Variants in CAP2 observed in about 807,000 individuals in gnomAD.
CAP2 encodes adenylyl cyclase-associated protein 2.
CAP2 carries 24 observed loss-of-function variants against 57.7 expected under a neutral mutation model. The observed-to-expected ratio is 0.42, with a 90% CI of 0.30 to 0.58. CAP2 has a LOEUF of 0.58. Among genes scored for constraint, CAP2 ranks in the 20% least tolerant of loss-of-function variants. CAP2 has a pLI of 0.22. For missense variants in CAP2, 501 were observed against 590.3 expected, an observed-to-expected ratio of 0.85 and a Z score of 1.57; for synonymous variants, 194 against 207.2, an observed-to-expected ratio of 0.94 and a Z score of 0.55.
chr6:17,504,554 T>A (rs375044807), intron 4 of CAP2, among the ~76,000 whole-genome samples: 1 of 152,224 alleles, frequency 6.6e-6, no homozygotes, highest in African/African-American at 2.4e-5. Context: ...TAGCTTCCAG[T>A]TCCAGCTCCA....
At chr6:17,402,140 C>T (rs901710755) in intron 1 of CAP2, among the ~76,000 whole-genome samples, 1 of 152,164 alleles carries the variant, frequency 6.6e-6, no homozygotes, top group African/African-American at 2.4e-5. Context: ...TCCATATGTG[C>T]TTTTTTCCTA....
chr6:17,415,599 T>C (rs1268825382), intron 1 of CAP2, among the ~76,000 whole-genome samples: 2 of 152,196 alleles, frequency 1.3e-5, no homozygotes, highest in Non-Finnish European at 2.9e-5. Context: ...GTATTTATAG[T>C]TCTCTAGGTA....
In CAP2 at chr6:17,399,722, T is replaced by G. The variant is rs1236073457; in HGVS notation, c.-2+5976T>G. ...GGAAGTAAATAACCTTTGATGTTCCTGTTAGCCCTCAGCTTTTCAGAATGT... is the reference window on the plus strand; with the variant it reads ...GGAAGTAAATAACCTTTGATGTTCCGGTTAGCCCTCAGCTTTTCAGAATGT... On this transcript the variant is annotated intron_variant, in intron 1 of 12. Transcript: ENST00000229922. Among the ~76,000 whole-genome samples, 3 of 152,342 alleles carry G rather than the reference T, an allele frequency of 2.0e-5. No individual in the cohort carries two copies. In the East Asian group the frequency reaches 5.8e-4, roughly 29 times the overall value.
intron 3 of CAP2, among the ~76,000 whole-genome samples, chr6:17,436,090 C>CT (rs1561782691): frequency 0.034 from 2,193 of 63,786 alleles, 40 homozygotes; most frequent in South Asian, 0.12. Flanking sequence ...TCTTTCTTTC[C>CT]TTCCTTCCTT....
intron 6 of CAP2, among the ~76,000 whole-genome samples, chr6:17,512,543 A>C (rs967813113): frequency 1.3e-5 from 2 of 152,232 alleles, no homozygotes; most frequent in Non-Finnish European, 2.9e-5. Context: ...TCATGCTCTA[A>C]TAATAGCTAT....
intron 7 of CAP2, among the ~76,000 whole-genome samples, chr6:17,514,826 A>G (rs975360299): frequency 1.3e-5 from 2 of 152,238 alleles, no homozygotes; most frequent in East Asian, 1.9e-4. Context: ...CTCTACAGCC[A>G]TTAAAATGCT....
At chr6:17,473,364 A>G (rs1487019547) in intron 4 of CAP2, among the ~76,000 whole-genome samples, 6 of 152,220 alleles carry the variant, frequency 3.9e-5, no homozygotes, top group African/African-American at 1.2e-4. Context: ...TTTTAATAAA[A>G]TAATTATCAA....
At chr6:17,464,865 C>T (rs1003017485) in intron 4 of CAP2, among the ~76,000 whole-genome samples, 22 of 152,230 alleles carry the variant, frequency 1.4e-4, no homozygotes, top group Admixed American at 3.9e-4. Context: ...CCTGCCTTTT[C>T]TGTGAAGTGG....
intron 3 of CAP2, among the ~76,000 whole-genome samples, chr6:17,457,867 A>G (rs1051255702): frequency 5.3e-5 from 8 of 152,254 alleles, no homozygotes; most frequent in African/African-American, 1.9e-4. Flanking sequence ...AATATTGTTA[A>G]TGCCACCTCT....
chr6:17,426,161 TG>T (rs1759585524), intron 2 of CAP2, among the ~76,000 whole-genome samples: 1 of 151,142 alleles, frequency 6.6e-6, no homozygotes, highest in East Asian at 1.9e-4. Context: ...ACTTAGCAAA[TG>T]AATTGGTGAG....
At chr6:17,554,266 C>T (rs1334356599) in intron 12 of CAP2, among the ~76,000 whole-genome samples, 1 of 152,130 alleles carries the variant, frequency 6.6e-6, no homozygotes, top group Admixed American at 6.5e-5. Flanking sequence ...GCCACCACAC[C>T]CTGCTAATTT....
chr6:17,440,993 C>T (rs1450104104), intron 3 of CAP2, among the ~76,000 whole-genome samples: 1 of 151,240 alleles, frequency 6.6e-6, no homozygotes, highest in African/African-American at 2.5e-5. Flanking sequence ...CTACAAAGGA[C>T]ATGAACTCAT....
At chr6:17,549,190 G>A (rs914640908) in intron 11 of CAP2, among the ~76,000 whole-genome samples, 16 of 152,142 alleles carry the variant, frequency 1.1e-4, no homozygotes, top group African/African-American at 2.9e-4. Context: ...GCTGCTGGGC[G>A]CGGTGGCTCA....
chr6:17,531,644 G>A, intron 7 of CAP2: 1 of 1,111,596 alleles, frequency 9.0e-7, no homozygotes, highest in Non-Finnish European at 1.3e-6. Flanking sequence ...CATGGTTCCA[G>A]CCAGAAAAAG....
intron 7 of CAP2, among the ~76,000 whole-genome samples, chr6:17,520,752 G>A (rs1032703858): frequency 1.3e-5 from 2 of 152,190 alleles, no homozygotes; most frequent in African/African-American, 4.8e-5. Context: ...CATTAACTAT[G>A]AATATGTATG....
intron 3 of CAP2, among the ~76,000 whole-genome samples, chr6:17,459,789 A>G (rs980073594): frequency 6.6e-6 from 1 of 152,208 alleles, no homozygotes; most frequent in Non-Finnish European, 1.5e-5. Context: ...AACAATAGAA[A>G]AAGTATTCTT....
intron 3 of CAP2, among the ~76,000 whole-genome samples, chr6:17,460,990 A>C (rs1275275733): frequency 6.6e-6 from 1 of 152,066 alleles, no homozygotes; most frequent in African/African-American, 2.4e-5. Context: ...TCTACTAAAA[A>C]ATTCAAAAGT....
chr6:17,476,530 C>A (rs901955432), intron 4 of CAP2, among the ~76,000 whole-genome samples: 5 of 152,206 alleles, frequency 3.3e-5, no homozygotes, highest in African/African-American at 1.2e-4. Context: ...TAATACCACG[C>A]TTGAGATTGG....
intron 3 of CAP2, among the ~76,000 whole-genome samples, chr6:17,448,410 G>T (rs973575916): frequency 6.6e-6 from 1 of 152,232 alleles, no homozygotes; most frequent in African/African-American, 2.4e-5. Context: ...GCTATACAGT[G>T]ATTGAATTTG....
Sources: allele counts gnomAD v4.1 joint callset (sites outside exome capture counted in the v4.1 genomes callset), GRCh38; gene constraint gnomAD v4.1.1; transcripts MANE v1.5; gene names NCBI Gene and HGNC (gene_info 2026-07-23, HGNC 2026-07-21).